Variants in IFT88 observed in about 807,000 individuals in gnomAD.
IFT88 encodes the protein intraflagellar transport protein 88 homolog.
Under a neutral mutation model 119.5 loss-of-function variants are expected in IFT88, and 74 were observed. The observed-to-expected ratio is 0.62, with a 90% CI of 0.51 to 0.75. The LOEUF (loss-of-function observed/expected upper bound fraction) is 0.75. IFT88 is among the 30% of genes least tolerant of loss of function. The pLI is 0.00. For synonymous variants in IFT88, 279 were observed against 316.7 expected (o/e 0.88, Z 1.26); for missense variants, 961 against 977.7 (o/e 0.98, Z 0.23).
At chr13:20,622,336 G>C (rs2046672098) in intron 14 of IFT88, among the ~76,000 whole-genome samples, 2 of 152,084 alleles carry the variant, frequency 1.3e-5, no homozygotes, top group Non-Finnish European at 2.9e-5. Flanking sequence ...CCCCTCTTTG[G>C]ATAAATACCA....
At chr13:20,667,354 C>G (rs1248161530) in intron 23 of IFT88, among the ~76,000 whole-genome samples, 1 of 152,084 alleles carries the variant, frequency 6.6e-6, no homozygotes, top group Admixed American at 6.5e-5. Context: ...TAAAATGTAC[C>G]CATGCCTGTG....
chr13:20,641,008 G>A (rs188780948), intron 17 of IFT88, among the ~76,000 whole-genome samples: 82 of 152,204 alleles, frequency 5.4e-4, no homozygotes, highest in Non-Finnish European at 2.5e-4. Flanking sequence ...TTAGCTGGGC[G>A]TGGTAGCACG....
chr13:20,568,759 G>A (rs12858381), intron 1 of IFT88, among the ~76,000 whole-genome samples: 1 of 151,512 alleles, frequency 6.6e-6, no homozygotes, highest in Non-Finnish European at 1.5e-5. Context: ...ACGCTCTGTT[G>A]CCCAGGCTGG....
intron 17 of IFT88, among the ~76,000 whole-genome samples, chr13:20,640,894 C>G (rs978206510): frequency 6.6e-6 from 1 of 152,062 alleles, no homozygotes; most frequent in Non-Finnish European, 1.5e-5. Flanking sequence ...ACCTGTAATC[C>G]CAGTACTTTG....
intron 24 of IFT88, among the ~76,000 whole-genome samples, chr13:20,672,148 C>A (rs1381902053): frequency 6.6e-6 from 1 of 152,060 alleles, no homozygotes; most frequent in Non-Finnish European, 1.5e-5. Flanking sequence ...GACAAAGACT[C>A]CTTGAATTCA....
intron 16 of IFT88, chr13:20,632,205 G>C (rs1165539948): frequency 2.0e-5 from 3 of 151,856 alleles, no homozygotes; most frequent in Non-Finnish European, 4.4e-5. Flanking sequence ...GATTTTAAGG[G>C]CTGGAAGTTA....
intron 20 of IFT88, among the ~76,000 whole-genome samples, chr13:20,651,115 TC>T (rs1487421037): frequency 2.0e-5 from 3 of 152,062 alleles, no homozygotes; most frequent in Non-Finnish European, 4.4e-5. Context: ...CATGAGTTCT[TC>T]AACTTTTTTC....
At chr13:20,684,911 C>G (rs201420888) in intron 24 of IFT88, among the ~76,000 whole-genome samples, 1 of 152,196 alleles carries the variant, frequency 6.6e-6, no homozygotes, top group African/African-American at 2.4e-5. Context: ...CACCGCTTGC[C>G]GAGACCAGCT....
At chr13:20,656,544 GT>G (rs1184601374) in intron 22 of IFT88, 114 bp downstream of exon 22, 1 of 408,860 alleles carries the variant, frequency 2.4e-6, no homozygotes. Flanking sequence ...CCTATAATTT[GT>G]GATACATATT....
At chr13:20,622,353 G>A (rs188744433) in intron 14 of IFT88, among the ~76,000 whole-genome samples, 5 of 152,266 alleles carry the variant, frequency 3.3e-5, no homozygotes, top group South Asian at 2.1e-4. Context: ...ACCAAGGAGC[G>A]TGATTATTGG....
At chr13:20,596,975 A>G (rs1160694172) in intron 8 of IFT88, 40 bp from the exon 9 acceptor site, 2 of 1,126,058 alleles carry the variant, frequency 1.8e-6, no homozygotes, top group Non-Finnish European at 2.6e-6. Context: ...AAAGTTGATG[A>G]ACACTCAAAG....
intron 19 of IFT88, 87 bp downstream of exon 19, chr13:20,643,692 G>T: frequency 1.2e-6 from 1 of 837,560 alleles, no homozygotes. Context: ...AATTTTAGAA[G>T]ATCTTACCAG....
At chr13:20,576,573 A>T (rs1289518347) in intron 2 of IFT88, among the ~76,000 whole-genome samples, 2 of 152,178 alleles carry the variant, frequency 1.3e-5, no homozygotes, top group Non-Finnish European at 2.9e-5. Flanking sequence ...GTCTAGTTTC[A>T]TTCTTCTGCA....
chr13:20,606,662 T>C (rs1376219540), intron 13 of IFT88, among the ~76,000 whole-genome samples: 4 of 152,178 alleles, frequency 2.6e-5, no homozygotes, highest in African/African-American at 7.2e-5. Flanking sequence ...GTAGATAACC[T>C]GAGGTCAAAA....
At chr13:20,616,031 G>A (rs1000240874) in intron 14 of IFT88, 152 bp downstream of exon 14, 3 of 438,406 alleles carry the variant, frequency 6.8e-6, no homozygotes, top group Non-Finnish European at 1.2e-5. Context: ...ATTAATATAG[G>A]CTATTATAAA....
chr13:20,666,327 TGTCAGCAGGG>T lies in IFT88; in HGVS notation c.2175+2724_2175+2733del, dbSNP rs1368195223. 9.2e-5 allele frequency among the ~76,000 whole-genome samples: 14 copies of T among 152,364 alleles called. No individual in the cohort carries two copies. In the East Asian group the frequency reaches 9.6e-4, roughly 10 times the overall value. ...CTAGAAAAATGATCCTGCACTTGGATGTCAGCAGGGTCCGACATCCAGCAACATTTTGATG... is the reference window on the plus strand; with the variant it reads ...CTAGAAAAATGATCCTGCACTTGGATTCCGACATCCAGCAACATTTTGATG... On this transcript the variant is annotated intron_variant, in intron 23 of 25. Transcript: ENST00000351808.
At chr13:20,633,327 A>T (rs1410924341) in intron 16 of IFT88, among the ~76,000 whole-genome samples, 3 of 152,136 alleles carry the variant, frequency 2.0e-5, no homozygotes, top group Non-Finnish European at 4.4e-5. Context: ...GAGGCAGGAA[A>T]AGAGAGAGGG....
At chr13:20,663,339 T>C (rs2054133728) in intron 22 of IFT88, 159 bp from the exon 23 acceptor site, 1 of 1,518,588 alleles carries the variant, frequency 6.6e-7, no homozygotes, top group Non-Finnish European at 8.8e-7. Flanking sequence ...TTCTCCCTGG[T>C]CCAGAGATTG....
chr13:20,571,879 C>T (rs934211938), intron 1 of IFT88, among the ~76,000 whole-genome samples: 5 of 152,186 alleles, frequency 3.3e-5, no homozygotes, highest in Admixed American at 1.3e-4. Flanking sequence ...AGCAGCCAGA[C>T]TTGCAGAGAA....
Sources: gnomAD v4.1 joint callset for allele counts (sites outside exome capture counted in the v4.1 genomes callset) on GRCh38, gnomAD v4.1.1 for gene constraint, MANE v1.5 for transcripts, NCBI Gene and HGNC (gene_info 2026-07-23, HGNC 2026-07-21) for gene names.